Variants in CMIP observed in about 807,000 individuals in gnomAD.
CMIP encodes the protein C-Maf-inducing protein.
In CMIP, 13 loss-of-function variants were observed where a neutral mutation model predicts 97.3. That is an observed-to-expected ratio of 0.13 (90% confidence interval 0.09 to 0.21). CMIP has a LOEUF of 0.21. Ranked by LOEUF, CMIP falls within the 10% of genes least tolerant of loss-of-function variation. CMIP has a pLI of 1.00. For missense variants in CMIP, 847 were observed against 1,024.9 expected, an observed-to-expected ratio of 0.83 and a Z score of 2.37; for synonymous variants, 538 against 436.3, an observed-to-expected ratio of 1.23 and a Z score of -2.91.
At chr16:81,684,189 C>A (rs558756464) in intron 10 of CMIP, among the ~76,000 whole-genome samples, 10 of 152,300 alleles carry the variant, frequency 6.6e-5, no homozygotes, top group African/African-American at 2.2e-4. Context: ...GATGACCGCA[C>A]AGGTGGAGAG....
intron 1 of CMIP, among the ~76,000 whole-genome samples, chr16:81,507,172 C>G: frequency 6.6e-6 from 1 of 152,080 alleles, no homozygotes; most frequent in East Asian, 1.9e-4. Flanking sequence ...AGGAGAATGG[C>G]GTGAACCCAG....
chr16:81,677,801 G>T (rs1008172048), intron 9 of CMIP, among the ~76,000 whole-genome samples: 1 of 152,200 alleles, frequency 6.6e-6, no homozygotes, highest in African/African-American at 2.4e-5. Context: ...TTTGGGGGCA[G>T]GAGAGCAGAG....
chr16:81,614,441 C>A lies in CMIP; in HGVS notation c.427-6435C>A, dbSNP rs545738376. ...GCATGACATCAGCTCGTTGCATTGGCCTGTGTGCTTGCCAGGAGCCCGGAG... is the reference window on the plus strand; with the variant it reads ...GCATGACATCAGCTCGTTGCATTGGACTGTGTGCTTGCCAGGAGCCCGGAG... On this transcript the variant is annotated intron_variant, in intron 2 of 20. Coordinates refer to ENST00000537098, the MANE Select transcript of CMIP (RefSeq NM_198390.3). The surrounding 1 kb of genome is among the most constrained non-coding windows in gnomAD (Gnocchi z 5.3). 1.3e-5 allele frequency among the ~76,000 whole-genome samples: 2 copies of A among 152,274 alleles called. No individual in the cohort carries two copies. Among genetic ancestry groups the A allele is most frequent in the Middle Eastern group, 3.4e-3 (1 of 294 alleles).
chr16:81,450,639 G>T (rs1328624928), intron 1 of CMIP, among the ~76,000 whole-genome samples: 2 of 152,194 alleles, frequency 1.3e-5, no homozygotes, highest in Admixed American at 1.3e-4. Context: ...AGTTCCCTGA[G>T]ATGAATAGTG....
At position 81,702,097 on chromosome 16, in the gene CMIP, A is replaced by G. The variant is rs150249196; in HGVS notation, c.1896+297A>G. On this transcript the variant is annotated intron_variant, in intron 16 of 20. Coordinates refer to ENST00000537098, the MANE Select transcript of CMIP (RefSeq NM_198390.3). The stretch of plus-strand genomic sequence containing the variant: ...ATGGGGGACCCAACTTCCAAATGCC[A>G]GCACCCACACCTCTTTGCTGAAGGA... Among the ~76,000 whole-genome samples the G allele has an allele frequency of 6.3e-3, 952 of 152,210 alleles. 6 individuals carry two copies. Among genetic ancestry groups the G allele is most frequent in the Non-Finnish European group, 9.5e-3 (645 of 68,008 alleles).
chr16:81,536,811 A>G (rs960656668), intron 1 of CMIP, among the ~76,000 whole-genome samples: 9 of 152,060 alleles, frequency 5.9e-5, no homozygotes, highest in African/African-American at 2.2e-4. Context: ...ATACATCCGG[A>G]AGCATGCACA....
intron 3 of CMIP, among the ~76,000 whole-genome samples, chr16:81,650,927 A>G (rs1031759604): frequency 5.3e-5 from 8 of 152,096 alleles, no homozygotes; most frequent in Non-Finnish European, 1.0e-4. Context: ...TAACCGTTCC[A>G]CTTGGCATGG....
intron 1 of CMIP, among the ~76,000 whole-genome samples, chr16:81,557,240 C>G (rs11639751): frequency 0.4 from 61,362 of 152,128 alleles, 14,361 homozygotes; most frequent in Non-Finnish European, 0.52. Flanking sequence ...TCATGAAGCT[C>G]CATGAAGGCC....
At chr16:81,551,478 A>G (rs1223998946) in intron 1 of CMIP, among the ~76,000 whole-genome samples, 1 of 152,184 alleles carries the variant, frequency 6.6e-6, no homozygotes, top group Non-Finnish European at 1.5e-5. Context: ...AAAATGAAAA[A>G]ACATTTGGGG....
In CMIP at chr16:81,627,962, G is replaced by C. The variant is rs3935802; in HGVS notation, c.477+7036G>C. ...AAGCTGAGGGCAGGGCCTGGGTCAT[G>C]TCCCCACTGGCTGCACCCTCAGGAG... On this transcript the variant is annotated intron_variant, in intron 3 of 20. Transcript: ENST00000537098. This position sits in a 1 kb window ranked among gnomAD's most constrained non-coding sequence, Gnocchi z 4.6. 0.4 allele frequency among the ~76,000 whole-genome samples: 60,204 copies of C among 151,956 alleles called. 12,640 individuals are homozygous for C. The highest frequency in any genetic ancestry group is 0.65 in the East Asian group (3,351 of 5,144).
intron 9 of CMIP, among the ~76,000 whole-genome samples, chr16:81,677,738 G>A (rs1004231519): frequency 1.3e-5 from 2 of 152,222 alleles, no homozygotes; most frequent in African/African-American, 4.8e-5. Flanking sequence ...CCCAGGAGGA[G>A]TGGGGGTTCC....
chr16:81,444,841 C>T lies in CMIP; in HGVS notation c.-401C>T, dbSNP rs1399173208. 6.9e-6 allele frequency among the ~76,000 whole-genome samples: 1 copy of T among 144,874 alleles called. No homozygotes were observed. Among genetic ancestry groups the T allele is most frequent in the Non-Finnish European group, 1.5e-5 (1 of 65,140 alleles). ...CCGGACGGCCGCGCGGACACACGCT[C>T]TGTACACACGCGCGCGGCGGCGCGG... On this transcript the variant is annotated 5_prime_UTR_variant, in exon 1 of 21. Coordinates refer to ENST00000537098, the MANE Select transcript of CMIP (RefSeq NM_198390.3).
chr16:81,479,115 G>A lies in CMIP; in HGVS notation c.300+33574G>A, dbSNP rs149124278. Reference sequence around the variant, plus strand: ...GACAGGGTTTTTCCTGGGGGGAGGGGGAAGGAGCTGCTGTGTTTTCTTTGC... The same window carrying A: ...GACAGGGTTTTTCCTGGGGGGAGGGAGAAGGAGCTGCTGTGTTTTCTTTGC... On this transcript the variant is annotated intron_variant, in intron 1 of 20. Transcript: ENST00000537098. Among the ~76,000 whole-genome samples, 589 of 152,312 alleles carry A rather than the reference G, an allele frequency of 3.9e-3. 4 individuals are homozygous for A. The highest frequency in any genetic ancestry group is 0.01 in the Middle Eastern group (3 of 294).
intron 1 of CMIP, among the ~76,000 whole-genome samples, chr16:81,498,313 C>G (rs1256059494): frequency 2.0e-5 from 3 of 152,206 alleles, no homozygotes; most frequent in Non-Finnish European, 4.4e-5. Flanking sequence ...TGGGCACATT[C>G]TCTCCTTCCT....
chr16:81,475,026 A>G (rs947104851), intron 1 of CMIP, among the ~76,000 whole-genome samples: 7 of 152,184 alleles, frequency 4.6e-5, no homozygotes, highest in African/African-American at 9.7e-5. Flanking sequence ...GGCCCTCTTC[A>G]CCGTGGCCTT....
intron 3 of CMIP, among the ~76,000 whole-genome samples, chr16:81,647,708 T>C (rs1221031806): frequency 6.6e-6 from 1 of 151,956 alleles, no homozygotes; most frequent in Non-Finnish European, 1.5e-5. Context: ...CTATCCCAGC[T>C]CCACCATGAT....
intron 1 of CMIP, among the ~76,000 whole-genome samples, chr16:81,447,978 T>C (rs1905964431): frequency 2.0e-5 from 3 of 152,258 alleles, no homozygotes; most frequent in South Asian, 4.1e-4. Flanking sequence ...CTGGACATTA[T>C]GTAATCTGTC....
intron 7 of CMIP, among the ~76,000 whole-genome samples, 161 bp from the exon 8 acceptor site, chr16:81,669,981 C>T (rs770831255): frequency 7.9e-5 from 12 of 152,198 alleles, no homozygotes; most frequent in Non-Finnish European, 1.3e-4. Context: ...TTGAAGTAGA[C>T]GCCACCTGTG....
chr16:81,590,048 C>G (rs1331765381), intron 1 of CMIP, among the ~76,000 whole-genome samples: 1 of 152,108 alleles, frequency 6.6e-6, no homozygotes, highest in African/African-American at 2.4e-5. Flanking sequence ...GGGCTGCCCT[C>G]AGGGCACAGA....
Sources: allele counts gnomAD v4.1 joint callset (sites outside exome capture counted in the v4.1 genomes callset), GRCh38; gene constraint gnomAD v4.1.1; non-coding constraint Gnocchi (gnomAD v3.1); transcripts MANE v1.5; gene names NCBI Gene and HGNC (gene_info 2026-07-23, HGNC 2026-07-21).